ESYT2: variants seen among roughly 807,000 people sequenced by gnomAD.
ESYT2 encodes the protein extended synaptotagmin 2.
In ESYT2, 54 loss-of-function variants were observed where a neutral mutation model predicts 107.2. The observed-to-expected ratio is 0.50, with a 90% CI of 0.40 to 0.63. The LOEUF (loss-of-function observed/expected upper bound fraction) is 0.63. Among genes scored for constraint, ESYT2 ranks in the 30% least tolerant of loss-of-function variants. The pLI, the probability that ESYT2 is intolerant of heterozygous loss-of-function variation, is 0.00. For synonymous variants in ESYT2, 491 were observed against 434.1 expected, an observed-to-expected ratio of 1.13 and a Z score of -1.63; for missense variants, 1,020 against 1,094.5, an observed-to-expected ratio of 0.93 and a Z score of 0.96.
chr7:158,796,880 G>A (rs1021579663), intron 3 of ESYT2, among the ~76,000 whole-genome samples: 4 of 150,696 alleles, frequency 2.7e-5, no homozygotes, highest in Admixed American at 2.0e-4. Flanking sequence ...CACTGCAGGC[G>A]AGTGGGCAGC....
chr7:158,747,957 C>T (rs1197109757), intron 16 of ESYT2, among the ~76,000 whole-genome samples: 1 of 152,118 alleles, frequency 6.6e-6, no homozygotes, highest in East Asian at 1.9e-4. Flanking sequence ...GAGGACATAC[C>T]GCATAATTCT....
intron 9 of ESYT2, 108 bp downstream of exon 9, chr7:158,764,569 G>T: frequency 9.0e-7 from 1 of 1,114,108 alleles, no homozygotes; most frequent in Non-Finnish European, 1.3e-6. Flanking sequence ...TTTAAATGAT[G>T]GCCTAAATGA....
intron 6 of ESYT2, among the ~76,000 whole-genome samples, chr7:158,784,069 G>A (rs1381177097): frequency 6.6e-6 from 1 of 152,142 alleles, no homozygotes. Flanking sequence ...GGAGGAGGAG[G>A]AGGGTCTCTG....
chr7:158,776,743 G>A (rs1334985079), intron 6 of ESYT2, among the ~76,000 whole-genome samples: 4 of 152,092 alleles, frequency 2.6e-5, no homozygotes, highest in Non-Finnish European at 4.4e-5. Flanking sequence ...ATTTTCCTTC[G>A]AACATTTCCT....
chr7:158,771,934 C>A (rs183896443), intron 7 of ESYT2, among the ~76,000 whole-genome samples: 461 of 152,170 alleles, frequency 3.0e-3, no homozygotes, highest in African/African-American at 0.011. Context: ...GCCTGGCCAA[C>A]ATGGCGAAAC....
At chr7:158,771,445 ATG>A (rs1340895784) in intron 7 of ESYT2, among the ~76,000 whole-genome samples, 1 of 152,204 alleles carries the variant, frequency 6.6e-6, no homozygotes, top group Non-Finnish European at 1.5e-5. Context: ...GTAGGGGTGT[ATG>A]TGAGATTGAA....
intron 1 of ESYT2, among the ~76,000 whole-genome samples, chr7:158,818,888 G>A (rs1300762117): frequency 5.3e-5 from 8 of 152,316 alleles, no homozygotes; most frequent in East Asian, 1.9e-4. Context: ...ACCAGAGGCC[G>A]GTGGCCACAC....
At position 158,759,529 on chromosome 7, in the gene ESYT2, G is replaced by A. The variant is rs1339855610; in HGVS notation, c.1376C>T (p.Ser459Phe). 1 of 1,612,420 alleles carries A rather than the reference G, an allele frequency of 6.2e-7. No individual in the cohort carries two copies. Among genetic ancestry groups the A allele is most frequent in the Non-Finnish European group, 8.5e-7 (1 of 1,178,544 alleles). ...ATCCAAGTACAAGATCAGCAATGCA[G>A]AGGAAAGACCATCGTTGGCTTGGTC... is the stretch of plus-strand genomic sequence containing the variant. ...DKDQANDGLS[S>F]ALLILYLDSA... is the part of the protein sequence containing the mutation. The change falls in exon 13 of 23, where the codon TCT (serine) becomes TTT (phenylalanine). Residue 459 changes from serine to phenylalanine, a missense_variant. By Grantham distance (155) the Ser-to-Phe change is radical. Transcript: ENST00000275418.
intron 11 of ESYT2, among the ~76,000 whole-genome samples, chr7:158,761,015 C>T (rs1837941582): frequency 6.6e-6 from 1 of 152,192 alleles, no homozygotes; most frequent in Non-Finnish European, 1.5e-5. Context: ...CTTTTTGATA[C>T]TTTTTATTCT....
rs375499886 is a variant in ESYT2, at chr7:158,809,361, T to A, written c.331-10289A>T. Among the ~76,000 whole-genome samples, 7 of 150,272 alleles carry A rather than the reference T, an allele frequency of 4.7e-5. No homozygotes were observed. The East Asian group carries it at 1.2e-3, about 26-fold the overall frequency. ...CGTGGTGGCGTGCATCTGTAGTCCCTGCTACTCGGGAGGCTGAAGCAGGAG... is the reference window on the plus strand; with the variant it reads ...CGTGGTGGCGTGCATCTGTAGTCCCAGCTACTCGGGAGGCTGAAGCAGGAG... On this transcript the variant is annotated intron_variant, in intron 1 of 22. Coordinates refer to ENST00000275418, the MANE Select transcript of ESYT2 (RefSeq NM_001367773.1).
intron 17 of ESYT2, 24 bp downstream of exon 17, chr7:158,743,505 G>A (rs1837286183): frequency 1.9e-6 from 3 of 1,593,384 alleles, no homozygotes; most frequent in African/African-American, 1.4e-5. Flanking sequence ...CCCCTATGGT[G>A]TTCACTGCAG....
intron 13 of ESYT2, among the ~76,000 whole-genome samples, chr7:158,756,676 A>AG (rs1268182425): frequency 6.6e-6 from 1 of 152,038 alleles, no homozygotes; most frequent in Non-Finnish European, 1.5e-5. Context: ...TGGGAGGCCG[A>AG]GGGGGGTGGA....
intron 6 of ESYT2, among the ~76,000 whole-genome samples, chr7:158,787,237 C>A (rs1839144944): frequency 6.6e-6 from 1 of 152,184 alleles, no homozygotes; most frequent in South Asian, 2.1e-4. Flanking sequence ...GCAGCAACAA[C>A]AACACAGTAT....
intron 6 of ESYT2, among the ~76,000 whole-genome samples, chr7:158,782,639 T>A (rs896973278): frequency 4.0e-5 from 2 of 50,580 alleles, no homozygotes; most frequent in African/African-American, 9.5e-5. Context: ...AGTGGGTATG[T>A]GAGAACAAAG....
intron 6 of ESYT2, among the ~76,000 whole-genome samples, chr7:158,783,484 G>A (rs760186893): frequency 1.3e-5 from 2 of 152,192 alleles, no homozygotes; most frequent in African/African-American, 4.8e-5. Flanking sequence ...GATCTGGGCT[G>A]TTGGTAAAGT....
chr7:158,741,417 A>C, intron 18 of ESYT2, 106 bp downstream of exon 18: 2 of 1,466,436 alleles, frequency 1.4e-6, no homozygotes, highest in East Asian at 4.7e-5. Flanking sequence ...CTCCCTCCCC[A>C]AAGCATGCCG....
chr7:158,815,897 CG>C (rs1563039680), intron 1 of ESYT2, among the ~76,000 whole-genome samples: 1 of 152,174 alleles, frequency 6.6e-6, no homozygotes, highest in Non-Finnish European at 1.5e-5. Flanking sequence ...TGAGATGTTA[CG>C]GCACGGGGAA....
chr7:158,784,452 A>C (rs1839039252), intron 6 of ESYT2, among the ~76,000 whole-genome samples: 1 of 152,200 alleles, frequency 6.6e-6, no homozygotes. Flanking sequence ...CTGGGAGGCC[A>C]AAGGGAGAGG....
chr7:158,792,262 G>A (rs368276239), intron 4 of ESYT2, among the ~76,000 whole-genome samples: 1 of 149,090 alleles, frequency 6.7e-6, no homozygotes, highest in African/African-American at 2.5e-5. Context: ...AGTCGCTCAC[G>A]CCTGTGATCC....
Sources: gnomAD v4.1 joint callset for allele counts (sites outside exome capture counted in the v4.1 genomes callset) on GRCh38, gnomAD v4.1.1 for gene constraint, MANE v1.5 for transcripts, NCBI Gene and HGNC (gene_info 2026-07-23, HGNC 2026-07-21) for gene names.